The following ESYT1 variants were observed in gnomAD, a reference collection of about 807,000 sequenced individuals.
ESYT1 encodes extended synaptotagmin 1, also known as extended synaptotagmin-1.
ESYT1 carries 116 observed loss-of-function variants against 154.2 expected under a neutral mutation model. The ratio of observed to expected loss-of-function variants is 0.75; its 90% CI spans 0.65 to 0.88. The LOEUF (loss-of-function observed/expected upper bound fraction) is 0.88, where lower values mean the gene tolerates loss of function less well. ESYT1 is among the 40% of genes least tolerant of loss of function. ESYT1 has a pLI of 0.00. For synonymous variants in ESYT1, 500 were observed against 539.9 expected (o/e 0.93, Z 1.02); for missense variants, 1,264 against 1,379.3 (o/e 0.92, Z 1.32).
In ESYT1 at chr12:56,128,314, G is replaced by T. The variant is rs957442188; in HGVS notation, c.-6G>T. The T allele has an allele frequency of 1.1e-5, 17 of 1,607,614 alleles. No homozygotes were observed. Among genetic ancestry groups the T allele is most frequent in the Non-Finnish European group, 1.4e-5 (17 of 1,178,106 alleles). On this transcript the variant is annotated 5_prime_UTR_variant, in exon 1 of 31. Coordinates refer to ENST00000394048, the MANE Select transcript of ESYT1 (RefSeq NM_015292.3). ...GGGTCGGGCGGATCCTCCCAGAGGT[G>T]GCACAATGGAGCGATCTCCAGGAGA...
chr12:56,137,465 T>G (rs774011509), intron 17 of ESYT1, 34 bp from the exon 18 acceptor site: 1 of 1,608,908 alleles, frequency 6.2e-7, no homozygotes, highest in South Asian at 1.1e-5. Context: ...TCTCTCTCCC[T>G]TTGCCATCTG....
At chr12:56,131,204 A>C in intron 4 of ESYT1, 40 bp from the exon 5 acceptor site, 1 of 1,613,918 alleles carries the variant, frequency 6.2e-7, no homozygotes, top group Non-Finnish European at 8.5e-7. Flanking sequence ...ACTTCAGCCA[A>C]GGACTAACTC....
Position 56,132,909 on chromosome 12 carries a change from A to G in ESYT1, c.1244+108A>G, listed in dbSNP as rs867660814. The G allele has an allele frequency of 2.7e-5, 24 of 876,176 alleles. 1 individual carries two copies. The highest frequency in any genetic ancestry group is 1.8e-4 in the African/African-American group (11 of 60,262). 54.3% of individuals were successfully genotyped at this position (876,176 alleles called of 1,614,324 possible). A position where few individuals can be genotyped will look rare whatever the true frequency, so the allele number is the denominator to read the frequency against. On this transcript the variant is annotated intron_variant, in intron 10 of 30. Transcript: ENST00000394048. ...GCTGAGGCGGGCGGATCACGAGGTC[A>G]GGAGATTGAGACCATCCTGGCTAAC...
Position 56,130,890 on chromosome 12 carries a change from A to G in ESYT1, c.532A>G (p.Thr178Ala). The change falls in exon 3 of 31, where the codon ACA becomes GCA. Residue 178 changes from threonine (T) to alanine (A), a missense_variant. Thr to Ala is a moderately conservative substitution (Grantham distance 58). Coordinates refer to ENST00000394048, the MANE Select transcript of ESYT1 (RefSeq NM_015292.3). Reference protein sequence around the residue: ...AVRGSNPHLQTFTFTRVELGE... With the variant: ...AVRGSNPHLQAFTFTRVELGE... Reference sequence around the variant, plus strand: ...TAGGGGATCTAACCCCCATCTGCAAACATTTACATTTACACGAGTGGAACT... The same window carrying G: ...TAGGGGATCTAACCCCCATCTGCAAGCATTTACATTTACACGAGTGGAACT... 1 of 1,614,206 alleles carries G rather than the reference A, an allele frequency of 6.2e-7. No individual in the cohort carries two copies.
At position 56,142,592 on chromosome 12, in the gene ESYT1, G is replaced by C; in HGVS notation, c.2748G>C (p.Gln916His). ...LRAQLGILVS[Q>H]HSGVEAHSHS... ...CTTGCCCCTAGATCCTGGTGTCCCA[G>C]CACTCGGGAGTGGAAGCTCATAGCC... Residue 916 changes from glutamine to histidine, a missense_variant, in exon 26 of 31, where the codon CAG becomes CAC. By Grantham distance (24) the Gln-to-His change is conservative. Coordinates refer to ENST00000394048, the MANE Select transcript of ESYT1 (RefSeq NM_015292.3). The surrounding 1 kb of genome is among the most constrained non-coding windows in gnomAD (Gnocchi z 4.1). 1.9e-6 allele frequency: 3 copies of C among 1,614,132 alleles called. No homozygotes were observed. Among genetic ancestry groups the C allele is most frequent in the Non-Finnish European group, 2.5e-6 (3 of 1,180,026 alleles).
At chr12:56,138,126 T>C in intron 20 of ESYT1, 52 bp downstream of exon 20, 1 of 1,613,592 alleles carries the variant, frequency 6.2e-7, no homozygotes, top group Non-Finnish European at 8.5e-7. Flanking sequence ...CCAAGCTTCA[T>C]TCTCAAAGTT....
Position 56,132,813 on chromosome 12 carries a change from C to T in ESYT1, c.1244+12C>T, listed in dbSNP as rs1165918873. 2 of 1,612,108 alleles carry T rather than the reference C, an allele frequency of 1.2e-6. No homozygotes were observed. Among genetic ancestry groups the T allele is most frequent in the East Asian group, 2.2e-5 (1 of 44,858 alleles). On this transcript the variant is annotated intron_variant, in intron 10 of 30. Coordinates refer to ENST00000394048, the MANE Select transcript of ESYT1 (RefSeq NM_015292.3). ...GACTTTCTGGGCAGGTGAGACTCTG[C>T]CTGTTAGGATTCTAAAGCCCATGCT...
chr12:56,134,146 C>G lies in ESYT1; in HGVS notation c.1510C>G (p.Gln504Glu), dbSNP rs1171395829. ...KGNKEPNPMV[Q>E]LSIQDVTQES... is the part of the protein sequence containing the mutation. ...GAACAAGGAACCCAACCCTATGGTA[C>G]AACTGTCAATTCAGGATGTGACTCA... Residue 504 changes from glutamine to glutamate, a missense_variant, in exon 14 of 31, where the codon CAA (glutamine) becomes GAA (glutamate). Coordinates refer to ENST00000394048, the MANE Select transcript of ESYT1 (RefSeq NM_015292.3). The G allele has an allele frequency of 1.2e-6, 2 of 1,614,010 alleles. No individual in the cohort carries two copies. The highest frequency in any genetic ancestry group is 1.7e-6 in the Non-Finnish European group (2 of 1,180,022).
Position 56,142,684 on chromosome 12 carries a change from T to A in ESYT1, c.2840T>A (p.Ile947Asn). Residue 947 changes from isoleucine to asparagine, a missense_variant, in exon 26 of 31, where the codon ATC becomes AAC. Ile to Asn is a moderately radical substitution (Grantham distance 149). Transcript: ENST00000394048. This position sits in a 1 kb window ranked among gnomAD's most constrained non-coding sequence, Gnocchi z 4.1. ...GAGCTCTCGGGGGGACCCCCTCACA[T>A]CACCTCCTCAGCCCCAGAGCTCCGG... The part of the protein sequence containing the change: ...EPELSGGPPH[I>N]TSSAPELRQR... 1 of 1,613,998 alleles carries A rather than the reference T, an allele frequency of 6.2e-7. No individual in the cohort carries two copies. The highest frequency in any genetic ancestry group is 8.5e-7 in the Non-Finnish European group (1 of 1,180,010).
rs755577038 is a variant in ESYT1, at chr12:56,137,479, C to A, written c.1939-20C>A. The A allele has an allele frequency of 1.7e-5, 27 of 1,605,424 alleles. No homozygotes were observed. The highest frequency in any genetic ancestry group is 6.7e-5 in the Admixed American group (4 of 59,486). ...GTCTCTCTCCCTTTGCCATCTGGCA[C>A]CCCCCCGTCCCTTTTGCAGCATGTG... On this transcript the variant is annotated intron_variant, in intron 17 of 30. Coordinates refer to ENST00000394048, the MANE Select transcript of ESYT1 (RefSeq NM_015292.3).
intron 24 of ESYT1, among the ~76,000 whole-genome samples, chr12:56,140,890 T>C (rs551096990): frequency 6.6e-6 from 1 of 152,166 alleles, no homozygotes; most frequent in South Asian, 2.1e-4. Flanking sequence ...ACACTAACTC[T>C]GGGGTTTTTG....
Position 56,143,274 on chromosome 12 carries a change from G to A in ESYT1, c.3166G>A (p.Asp1056Asn). 6.2e-7 allele frequency: 1 copy of A among 1,614,190 alleles called. No individual in the cohort carries two copies. Among genetic ancestry groups the A allele is most frequent in the Non-Finnish European group, 8.5e-7 (1 of 1,180,036 alleles). The change falls in exon 29 of 31, where the codon GAT becomes AAT. Residue 1056 changes from aspartate (D) to asparagine (N), a missense_variant. Coordinates refer to ENST00000394048, the MANE Select transcript of ESYT1 (RefSeq NM_015292.3). ...GGATGAGGCCCAGAGACGAAAGCTG[G>A]ATGTCTCTGTCAAGTCTAATTCCTC... is the stretch of plus-strand genomic sequence containing the variant. ...PLDEAQRRKL[D>N]VSVKSNSSFM...
At chr12:56,132,360 C>T in intron 8 of ESYT1, 28 bp downstream of exon 8, 1 of 1,614,062 alleles carries the variant, frequency 6.2e-7, no homozygotes, top group Non-Finnish European at 8.5e-7. Flanking sequence ...CTAGATAGAT[C>T]CTTCTCTCAG....
Position 56,142,714 on chromosome 12 carries a change from G to T in ESYT1, c.2870G>T (p.Arg957Leu). Reference protein sequence around the residue: ...ITSSAPELRQRLTHVDSPLEA... With the variant: ...ITSSAPELRQLLTHVDSPLEA... ...TCCTCAGCCCCAGAGCTCCGGCAGC[G>T]CCTAACACATGTTGACAGGTAAAGG... is the stretch of plus-strand genomic sequence containing the variant. The change falls in exon 26 of 31, where the codon CGC becomes CTC. Residue 957 changes from arginine (R) to leucine (L), a missense_variant. By Grantham distance (102) the Arg-to-Leu change is moderately radical. Transcript: ENST00000394048. This position sits in a 1 kb window ranked among gnomAD's most constrained non-coding sequence, Gnocchi z 4.1. 1 of 1,613,810 alleles carries T rather than the reference G, an allele frequency of 6.2e-7. No homozygotes were observed. The highest frequency in any genetic ancestry group is 2.2e-5 in the East Asian group (1 of 44,886).
At chr12:56,136,597 A>C (rs1870466495) in intron 15 of ESYT1, 147 bp from the exon 16 acceptor site, 3 of 658,308 alleles carry the variant, frequency 4.6e-6, no homozygotes, top group South Asian at 1.0e-4. Context: ...TCTCAAAAAA[A>C]AAAAAAAAAA....
chr12:56,131,687 CTGTT>C, intron 6 of ESYT1, 58 bp from the exon 7 acceptor site: 1 of 1,608,750 alleles, frequency 6.2e-7, no homozygotes, highest in Non-Finnish European at 8.5e-7. Flanking sequence ...GTTCTGGCAA[CTGTT>C]TGATGGGTAT....
chr12:56,134,824 C>T (rs1479377698), intron 15 of ESYT1, among the ~76,000 whole-genome samples: 1 of 152,104 alleles, frequency 6.6e-6, no homozygotes, highest in Non-Finnish European at 1.5e-5. Flanking sequence ...GTCTCGAACT[C>T]CTGACCTCAG....
chr12:56,132,515 C>A lies in ESYT1; in HGVS notation c.1079C>A (p.Ala360Glu). 1 of 1,614,178 alleles carries A rather than the reference C, an allele frequency of 6.2e-7. No homozygotes were observed. Among genetic ancestry groups the A allele is most frequent in the Non-Finnish European group, 8.5e-7 (1 of 1,180,032 alleles). Residue 360 changes from alanine to glutamate, a missense_variant, in exon 9 of 31, where the codon GCA (alanine) becomes GAA (glutamate). Physicochemically the swap from Ala to Glu is moderately radical, Grantham distance 107. Transcript: ENST00000394048. The part of the protein sequence containing the change: ...GLIEGKSDPY[A>E]LVRLGTQTFC... ...ATTGAGGGCAAGTCAGACCCATATG[C>A]ACTTGTGCGTTTGGGTACCCAGACA...
Position 56,138,248 on chromosome 12 carries a change from T to C in ESYT1, c.2313T>C (p.Arg771=). The change falls in exon 21 of 31, where the codon CGT becomes CGC. Residue 771 remains arginine, a synonymous_variant. Coordinates refer to ENST00000394048, the MANE Select transcript of ESYT1 (RefSeq NM_015292.3). ...TGCGCCTGGAGCGTCTCACCCCCCG[T>C]CCCACTGCTGCTGAGTTAGAGGAGG... ...LHLRLERLTP[R]PTAAELEEVL... 1 of 1,614,114 alleles carries C rather than the reference T, an allele frequency of 6.2e-7. No individual in the cohort carries two copies. Among genetic ancestry groups the C allele is most frequent in the Non-Finnish European group, 8.5e-7 (1 of 1,180,014 alleles).
Sources: allele counts gnomAD v4.1 joint callset (sites outside exome capture counted in the v4.1 genomes callset), GRCh38; gene constraint gnomAD v4.1.1; non-coding constraint Gnocchi (gnomAD v3.1); transcripts MANE v1.5; gene names NCBI Gene and HGNC (gene_info 2026-07-23, HGNC 2026-07-21).